Variants in OPHN1 observed in about 807,000 individuals in gnomAD.
OPHN1 encodes oligophrenin 1.
Under a neutral mutation model 60.7 loss-of-function variants are expected in OPHN1, and 11 were observed. The ratio of observed to expected loss-of-function variants is 0.18; its 90% CI spans 0.11 to 0.30. The LOEUF is 0.30. Ranked by LOEUF, OPHN1 falls within the 10% of genes least tolerant of loss-of-function variation. OPHN1 has a pLI of 1.00. For missense variants in OPHN1, 449 were observed against 611.0 expected (o/e 0.73, Z 2.80); for synonymous variants, 226 against 222.6 (o/e 1.02, Z -0.14).
intron 15 of OPHN1, among the ~76,000 whole-genome samples, chrX:68,171,720 G>C (rs866343573): frequency 9.5e-6 from 1 of 105,447 alleles, no homozygotes; most frequent in Non-Finnish European, 1.9e-5. Context: ...TGGGCAGCAA[G>C]AGCAAAACTC....
chrX:68,406,377 C>T (rs1273294023), intron 2 of OPHN1, among the ~76,000 whole-genome samples: 1 of 109,989 alleles, frequency 9.1e-6, no homozygotes, highest in Non-Finnish European at 1.9e-5. Context: ...TTTGGGAGGC[C>T]GAGGTGGGCA....
At chrX:68,092,186 C>T (rs760001168) in intron 19 of OPHN1, among the ~76,000 whole-genome samples, 3 of 111,081 alleles carry the variant, frequency 2.7e-5, no homozygotes, top group Non-Finnish European at 5.7e-5. Context: ...GGAAAAAACA[C>T]ATTACTGAAA....
At chrX:68,216,513 G>A (rs1248150622) in intron 6 of OPHN1, among the ~76,000 whole-genome samples, 2 of 110,956 alleles carry the variant, frequency 1.8e-5, no homozygotes, top group East Asian at 2.8e-4. Context: ...ACACAAAAAT[G>A]TTAGACCTGA....
intron 2 of OPHN1, among the ~76,000 whole-genome samples, chrX:68,325,585 T>C (rs1207429090): frequency 1.4e-5 from 1 of 71,468 alleles, no homozygotes; most frequent in Non-Finnish European, 2.5e-5. Flanking sequence ...TTTAAACTTT[T>C]GGATAAAGAC....
chrX:68,139,806 G>A (rs1374197460), intron 15 of OPHN1, among the ~76,000 whole-genome samples: 1 of 112,494 alleles, frequency 8.9e-6, no homozygotes, highest in Non-Finnish European at 1.9e-5. Flanking sequence ...CCATTGGGGA[G>A]TTGGTTATAG....
At chrX:68,286,925 A>C (rs1446211552) in intron 3 of OPHN1, among the ~76,000 whole-genome samples, 1 of 108,519 alleles carries the variant, frequency 9.2e-6, no homozygotes, top group Non-Finnish European at 1.9e-5. Context: ...TGAGGCAGGA[A>C]TATTGCTTGA....
At chrX:68,256,637 T>A (rs1319491483) in intron 5 of OPHN1, among the ~76,000 whole-genome samples, 4 of 112,220 alleles carry the variant, frequency 3.6e-5, no homozygotes, top group African/African-American at 1.3e-4. Context: ...AGCATCATTT[T>A]TCCAACAGCA....
chrX:68,053,199 G>A (rs766465038), intron 22 of OPHN1, among the ~76,000 whole-genome samples: 10 of 111,455 alleles, frequency 9.0e-5, no homozygotes, highest in Non-Finnish European at 1.7e-4. Flanking sequence ...ACTCTCTGGA[G>A]AACCAAAGTC....
intron 21 of OPHN1, among the ~76,000 whole-genome samples, chrX:68,056,952 C>T (rs2076875558): frequency 9.0e-6 from 1 of 111,392 alleles, no homozygotes; most frequent in Non-Finnish European, 1.9e-5. Context: ...TTTAGCTAAC[C>T]TTTATTGAAC....
At chrX:68,184,941 C>CT (rs1411401892) in intron 15 of OPHN1, among the ~76,000 whole-genome samples, 1 of 112,263 alleles carries the variant, frequency 8.9e-6, no homozygotes, top group Non-Finnish European at 1.9e-5. Context: ...ACAGGAAGCA[C>CT]TGGGGAAAAG....
intron 2 of OPHN1, among the ~76,000 whole-genome samples, chrX:68,341,416 A>C (rs1027541069): frequency 8.1e-5 from 9 of 111,715 alleles, no homozygotes; most frequent in Non-Finnish European, 1.7e-4. Context: ...AACATGTAAA[A>C]TGACAACATG....
intron 3 of OPHN1, among the ~76,000 whole-genome samples, chrX:68,293,478 T>G (rs1377149491): frequency 8.9e-6 from 1 of 112,117 alleles, no homozygotes; most frequent in Non-Finnish European, 1.9e-5. Context: ...CAAAGGTGTT[T>G]CTTTAAATAT....
At chrX:68,122,915 A>C (rs1468740161) in intron 15 of OPHN1, among the ~76,000 whole-genome samples, 2 of 111,481 alleles carry the variant, frequency 1.8e-5, no homozygotes, top group Admixed American at 1.9e-4. Context: ...AGAGAAAGAG[A>C]CAGGGGTAGC....
chrX:68,086,193 A>AAAAAAAAAG (rs57846782), intron 19 of OPHN1, among the ~76,000 whole-genome samples: 1 of 108,244 alleles, frequency 9.2e-6, no homozygotes, highest in South Asian at 4.1e-4. Context: ...AAAAAAAAAA[A>AAAAAAAAAG]GCAGAAATAA....
At chrX:68,151,313 G>T (rs1002722546) in intron 15 of OPHN1, among the ~76,000 whole-genome samples, 6 of 112,236 alleles carry the variant, frequency 5.3e-5, no homozygotes, top group Non-Finnish European at 1.1e-4. Flanking sequence ...AAAACAGGCA[G>T]CAGATAATAG....
chrX:68,268,063 T>C (rs931423228), intron 5 of OPHN1, among the ~76,000 whole-genome samples: 2 of 111,165 alleles, frequency 1.8e-5, no homozygotes, highest in East Asian at 2.8e-4. Flanking sequence ...CCAAAAAAAG[T>C]CCAGGAGCAG....
At chrX:68,255,787 A>G (rs1486473829) in intron 5 of OPHN1, among the ~76,000 whole-genome samples, 2 of 110,824 alleles carry the variant, frequency 1.8e-5, no homozygotes, top group African/African-American at 6.6e-5. Flanking sequence ...CTCTTTGAAG[A>G]ACCCTAAGAC....
intron 3 of OPHN1, among the ~76,000 whole-genome samples, chrX:68,291,024 C>CT (rs1236276139): frequency 9.0e-6 from 1 of 111,535 alleles, no homozygotes; most frequent in Non-Finnish European, 1.9e-5. Flanking sequence ...TCAATTATTA[C>CT]TTTTTTTAAT....
chrX:68,090,315 T>A (rs1479632630), intron 19 of OPHN1, among the ~76,000 whole-genome samples: 1 of 109,760 alleles, frequency 9.1e-6, no homozygotes, highest in Non-Finnish European at 1.9e-5. Flanking sequence ...AATACAAATG[T>A]ATAAAATATA....
Sources: allele counts gnomAD v4.1 joint callset (sites outside exome capture counted in the v4.1 genomes callset), GRCh38; gene constraint gnomAD v4.1.1; transcripts MANE v1.5; gene names NCBI Gene and HGNC (gene_info 2026-07-23, HGNC 2026-07-21).